Variants in SLIT2 observed in about 807,000 individuals in gnomAD.
SLIT2 encodes the protein slit guidance ligand 2.
Under a neutral mutation model 185.7 loss-of-function variants are expected in SLIT2, and 41 were observed. The observed-to-expected ratio is 0.22, with a 90% CI of 0.17 to 0.29. The LOEUF is 0.29. Among genes scored for constraint, SLIT2 ranks in the 10% least tolerant of loss-of-function variants. SLIT2 has a pLI of 1.00. For missense variants in SLIT2, 1,571 were observed against 1,909.0 expected (o/e 0.82, Z 3.30); for synonymous variants, 693 against 680.2 (o/e 1.02, Z -0.29).
At chr4:20,380,788 T>C (rs1724443304) in intron 4 of SLIT2, among the ~76,000 whole-genome samples, 1 of 152,040 alleles carries the variant, frequency 6.6e-6, no homozygotes, top group South Asian at 2.1e-4. Flanking sequence ...TATGGTGGCA[T>C]ATCATACATG....
intron 9 of SLIT2, among the ~76,000 whole-genome samples, chr4:20,499,043 G>T (rs1418493588): frequency 6.6e-6 from 1 of 152,194 alleles, no homozygotes; most frequent in Non-Finnish European, 1.5e-5. Flanking sequence ...TACCAACAGT[G>T]TATAAGCATT....
intron 4 of SLIT2, among the ~76,000 whole-genome samples, chr4:20,409,892 T>C (rs1167041914): frequency 1.3e-5 from 2 of 152,234 alleles, no homozygotes; most frequent in Admixed American, 1.3e-4. Flanking sequence ...TCTATTCATG[T>C]CCTTTGACCA....
chr4:20,434,457 A>T (rs1012850536), intron 4 of SLIT2, among the ~76,000 whole-genome samples: 2 of 152,168 alleles, frequency 1.3e-5, no homozygotes, highest in Non-Finnish European at 2.9e-5. Flanking sequence ...CTGCACCTCC[A>T]GCTTGGGCAA....
intron 5 of SLIT2, among the ~76,000 whole-genome samples, chr4:20,468,088 T>G (rs530565715): frequency 1.3e-5 from 2 of 152,236 alleles, no homozygotes; most frequent in Admixed American, 1.3e-4. Flanking sequence ...TGAAGTGATT[T>G]GATTCGCAGA....
At chr4:20,307,606 T>C (rs950500543) in intron 4 of SLIT2, among the ~76,000 whole-genome samples, 2 of 152,132 alleles carry the variant, frequency 1.3e-5, no homozygotes, top group African/African-American at 4.8e-5. Flanking sequence ...GTTCAATCTA[T>C]ATATGCAGTT....
chr4:20,588,008 A>G (rs1186033052), intron 29 of SLIT2, among the ~76,000 whole-genome samples: 2 of 152,224 alleles, frequency 1.3e-5, no homozygotes, highest in Admixed American at 1.3e-4. Context: ...TATCTCCATC[A>G]GATAGATTTG....
At chr4:20,352,963 G>GA (rs1380582323) in intron 4 of SLIT2, among the ~76,000 whole-genome samples, 1 of 152,036 alleles carries the variant, frequency 6.6e-6, no homozygotes, top group Non-Finnish European at 1.5e-5. Context: ...CAGTAAAACA[G>GA]AAAAAATAAT....
intron 9 of SLIT2, among the ~76,000 whole-genome samples, chr4:20,506,580 T>C (rs1327889084): frequency 2.0e-5 from 3 of 152,006 alleles, no homozygotes; most frequent in African/African-American, 7.2e-5. Context: ...GATTTAAATA[T>C]GTTTTCCTCT....
In SLIT2 at chr4:20,268,787, C is replaced by G. The variant is rs762649739; in HGVS notation, c.324-23C>G. On this transcript the variant is annotated intron_variant, in intron 3 of 36. Transcript: ENST00000504154. ...TTGGGTATTTTCTATGTAACATAAG[C>G]TTTGTTTTTGTTTTCTCAAAAGGCG... 7 of 1,543,082 alleles carry G rather than the reference C, an allele frequency of 4.5e-6. No homozygotes were observed. The Admixed American group carries it at 1.2e-4, about 26-fold the overall frequency.
intron 9 of SLIT2, among the ~76,000 whole-genome samples, chr4:20,493,031 A>G (rs1717915989): frequency 6.6e-6 from 1 of 152,196 alleles, no homozygotes; most frequent in South Asian, 2.1e-4. Flanking sequence ...ATTTTAATTG[A>G]TAGAACATTA....
intron 4 of SLIT2, among the ~76,000 whole-genome samples, chr4:20,445,748 G>A (rs193048376): frequency 2.0e-5 from 3 of 152,208 alleles, no homozygotes; most frequent in Non-Finnish European, 1.5e-5. Context: ...GAAACATTGC[G>A]GTAGTGGAAA....
intron 24 of SLIT2, 22 bp downstream of exon 24, chr4:20,549,150 G>T: frequency 7.0e-7 from 1 of 1,437,576 alleles, no homozygotes. Flanking sequence ...GTGTTCAACA[G>T]AATATCTCTT....
In SLIT2 at chr4:20,253,459, C is replaced by A. The variant is rs953644736; in HGVS notation, c.-357C>A. ...CAACCGGCCCCTGCATCTTAGCAGC[C>A]GTTGGAAGCCCCAGCTCTTTTACCG... is the stretch of plus-strand genomic sequence containing the variant. On this transcript the variant is annotated 5_prime_UTR_variant, in exon 1 of 37. Coordinates refer to ENST00000504154, the MANE Select transcript of SLIT2 (RefSeq NM_004787.4). 3.4e-6 allele frequency: 1 copy of A among 294,550 alleles called. No homozygotes were observed. Among genetic ancestry groups the A allele is most frequent in the Non-Finnish European group, 6.4e-6 (1 of 156,206 alleles). 18.2% of individuals were successfully genotyped at this position (294,550 alleles called of 1,614,324 possible). A position where few individuals can be genotyped will look rare whatever the true frequency, so the allele number is the denominator to read the frequency against.
chr4:20,511,533 T>G (rs1278547261), intron 11 of SLIT2, among the ~76,000 whole-genome samples: 1 of 144,446 alleles, frequency 6.9e-6, no homozygotes, highest in Non-Finnish European at 1.5e-5. Context: ...GCCATTCTCC[T>G]GCCTCAGCCT....
At chr4:20,299,278 C>T (rs1716812191) in intron 4 of SLIT2, among the ~76,000 whole-genome samples, 1 of 152,012 alleles carries the variant, frequency 6.6e-6, no homozygotes, top group African/African-American at 2.4e-5. Context: ...AATATACAGA[C>T]TTTTAAAAAA....
chr4:20,408,507 T>C (rs1406570364), intron 4 of SLIT2, among the ~76,000 whole-genome samples: 1 of 150,608 alleles, frequency 6.6e-6, no homozygotes, highest in Non-Finnish European at 1.5e-5. Context: ...CCTGATCCCC[T>C]TTCCCCTGCA....
intron 4 of SLIT2, among the ~76,000 whole-genome samples, chr4:20,270,535 A>G (rs972941796): frequency 2.0e-5 from 3 of 151,998 alleles, no homozygotes; most frequent in African/African-American, 7.2e-5. Flanking sequence ...CTATGACAGC[A>G]TTTCCTAATT....
At chr4:20,566,939 A>G (rs1023142732) in intron 26 of SLIT2, among the ~76,000 whole-genome samples, 1 of 152,018 alleles carries the variant, frequency 6.6e-6, no homozygotes, top group Non-Finnish European at 1.5e-5. Context: ...AAGTACAGAC[A>G]ATGACCAAGA....
At chr4:20,546,287 G>A (rs1427883953) in intron 22 of SLIT2, among the ~76,000 whole-genome samples, 188 bp downstream of exon 22, 1 of 152,092 alleles carries the variant, frequency 6.6e-6, no homozygotes, top group Non-Finnish European at 1.5e-5. Context: ...GCGATGGAGT[G>A]TCTTAGCAAG....
Sources: allele counts gnomAD v4.1 joint callset (sites outside exome capture counted in the v4.1 genomes callset), GRCh38; gene constraint gnomAD v4.1.1; transcripts MANE v1.5; gene names NCBI Gene and HGNC (gene_info 2026-07-23, HGNC 2026-07-21).